FBN2: variants seen among roughly 807,000 people sequenced by gnomAD.
FBN2 encodes the protein fibrillin 2.
In FBN2, 105 loss-of-function variants were observed where a neutral mutation model predicts 355.6. That is an observed-to-expected ratio of 0.30 (90% confidence interval 0.25 to 0.35). The LOEUF is 0.35. Ranked by LOEUF, FBN2 falls within the 10% of genes least tolerant of loss-of-function variation. The pLI is 1.00. For synonymous variants in FBN2, 1,350 were observed against 1,301.2 expected (o/e 1.04, Z -0.81); for missense variants, 3,280 against 3,758.7 (o/e 0.87, Z 3.33).
chr5:128,359,282 T>C (rs575108744), intron 19 of FBN2, among the ~76,000 whole-genome samples: 2 of 152,034 alleles, frequency 1.3e-5, no homozygotes, highest in Admixed American at 6.6e-5. Context: ...AAAGCTAAGA[T>C]TTGCAATGAA....
At chr5:128,321,069 T>C (rs1359344975) in intron 34 of FBN2, among the ~76,000 whole-genome samples, 2 of 152,210 alleles carry the variant, frequency 1.3e-5, no homozygotes, top group Admixed American at 1.3e-4. Context: ...ACTTCTCCAT[T>C]TGTTTCTTGA....
intron 39 of FBN2, 85 bp from the exon 40 acceptor site, chr5:128,310,193 G>A: frequency 8.4e-7 from 1 of 1,193,198 alleles, no homozygotes; most frequent in Non-Finnish European, 1.2e-6. Flanking sequence ...CAAAGCATAG[G>A]TGATTCTCTA....
chr5:128,392,984 CTCTG>C (rs905252137), intron 10 of FBN2, 147 bp downstream of exon 10: 63 of 696,924 alleles, frequency 9.0e-5, no homozygotes, highest in African/African-American at 8.4e-4. Context: ...ACACTTTTCC[CTCTG>C]TCTCTCTCTC....
chr5:128,442,762 C>G (rs1030175837), intron 7 of FBN2, among the ~76,000 whole-genome samples: 1 of 151,830 alleles, frequency 6.6e-6, no homozygotes, highest in Non-Finnish European at 1.5e-5. Context: ...ACAAACACAC[C>G]ACATACATAC....
intron 7 of FBN2, among the ~76,000 whole-genome samples, chr5:128,433,950 ATAAC>A (rs1753698997): frequency 6.6e-6 from 1 of 152,174 alleles, no homozygotes; most frequent in Non-Finnish European, 1.5e-5. Context: ...TTCTCATACT[ATAAC>A]TAAATTTGTT....
chr5:128,280,389 G>T lies in FBN2; in HGVS notation c.7013-72C>A. On this transcript the variant is annotated intron_variant, in intron 55 of 64. Transcript: ENST00000262464. ...TAGTTTACAAGCTATCTTCTAATGG[G>T]TTATATCTTATTTAACACTTCTTTG... 4 of 1,200,616 alleles carry T rather than the reference G, an allele frequency of 3.3e-6. No homozygotes were observed. In the Admixed American group the frequency reaches 5.2e-5, roughly 16 times the overall value. The allele number at this position is 1,200,616 out of a possible 1,614,324, so 74.4% of individuals were successfully genotyped here.
intron 7 of FBN2, among the ~76,000 whole-genome samples, chr5:128,426,615 T>C (rs769041227): frequency 2.0e-5 from 3 of 152,170 alleles, no homozygotes; most frequent in Non-Finnish European, 4.4e-5. Context: ...AAATAAAATG[T>C]AACAAATCTA....
chr5:128,290,545 T>C (rs1749292085), intron 50 of FBN2, among the ~76,000 whole-genome samples, 187 bp downstream of exon 50: 1 of 152,222 alleles, frequency 6.6e-6, no homozygotes, highest in Admixed American at 6.5e-5. Flanking sequence ...CACCTGTGCT[T>C]AGACATGTCT....
At chr5:128,496,979 A>T (rs1222769861) in intron 5 of FBN2, among the ~76,000 whole-genome samples, 1 of 152,150 alleles carries the variant, frequency 6.6e-6, no homozygotes, top group African/African-American at 2.4e-5. Flanking sequence ...ATAGAAATAA[A>T]TTTGACAAAA....
At chr5:128,358,577 A>AT (rs1161183925) in intron 19 of FBN2, among the ~76,000 whole-genome samples, 1 of 152,130 alleles carries the variant, frequency 6.6e-6, no homozygotes, top group Admixed American at 6.5e-5. Flanking sequence ...TTGAAGAAAT[A>AT]TGAATGTATT....
rs775987665 is a variant in FBN2, at chr5:128,335,259, T to C, written c.3884A>G (p.Asp1295Gly). The change falls in exon 30 of 65, where the codon GAT becomes GGT. Residue 1295 changes from aspartate to glycine, a missense_variant. This residue lies in a region of FBN2 where 2,284 missense variants were observed against 2,749.5 expected (regional missense o/e 0.83). Coordinates refer to ENST00000262464, the MANE Select transcript of FBN2 (RefSeq NM_001999.4). ...AGGAATGTTGGTACACTGGCCGCCATCACAGATATCAGGATTGTTTTCACA... is the reference window on the plus strand; with the variant it reads ...AGGAATGTTGGTACACTGGCCGCCACCACAGATATCAGGATTGTTTTCACA... ...DECENNPDIC[D>G]GGQCTNIPGE... is the part of the protein sequence containing the mutation. 9 of 1,614,026 alleles carry C rather than the reference T, an allele frequency of 5.6e-6. No individual in the cohort carries two copies. Among genetic ancestry groups the C allele is most frequent in the Non-Finnish European group, 7.6e-6 (9 of 1,180,004 alleles).
chr5:128,318,834 C>A, intron 35 of FBN2, 45 bp downstream of exon 35: 1 of 1,596,656 alleles, frequency 6.3e-7, no homozygotes, highest in Non-Finnish European at 8.6e-7. Context: ...ACAGAATACT[C>A]ATTTCAATGA....
intron 11 of FBN2, among the ~76,000 whole-genome samples, chr5:128,385,878 A>G (rs1347076013): frequency 6.6e-6 from 1 of 151,792 alleles, no homozygotes; most frequent in African/African-American, 2.4e-5. Context: ...CCCATTATTT[A>G]ATGAGATTTT....
At chr5:128,359,346 T>C (rs1043268611) in intron 19 of FBN2, among the ~76,000 whole-genome samples, 2 of 152,014 alleles carry the variant, frequency 1.3e-5, no homozygotes, top group Non-Finnish European at 2.9e-5. Context: ...AAGAAGAGAA[T>C]GAAGAGAACT....
At chr5:128,311,631 G>A (rs1039453784) in intron 38 of FBN2, among the ~76,000 whole-genome samples, 2 of 152,192 alleles carry the variant, frequency 1.3e-5, no homozygotes, top group Non-Finnish European at 2.9e-5. Context: ...AATGAATAAA[G>A]TTAAGTTGGA....
intron 23 of FBN2, among the ~76,000 whole-genome samples, chr5:128,348,125 A>C (rs1751236885): frequency 6.6e-6 from 1 of 152,242 alleles, no homozygotes; most frequent in African/African-American, 2.4e-5. Context: ...TATTTTGCTG[A>C]GTAATAATTT....
At chr5:128,435,152 G>A (rs1753741796) in intron 7 of FBN2, among the ~76,000 whole-genome samples, 1 of 152,038 alleles carries the variant, frequency 6.6e-6, no homozygotes, top group Non-Finnish European at 1.5e-5. Flanking sequence ...AATAAATCAA[G>A]CCCTCTGGGT....
intron 6 of FBN2, among the ~76,000 whole-genome samples, chr5:128,450,917 C>G (rs972979815): frequency 7.9e-5 from 12 of 152,014 alleles, no homozygotes; most frequent in African/African-American, 2.9e-4. Context: ...GTTAAAGATA[C>G]AGAAAATAGA....
chr5:128,484,167 A>C (rs1342131072), intron 5 of FBN2, among the ~76,000 whole-genome samples: 1 of 152,174 alleles, frequency 6.6e-6, no homozygotes, highest in Non-Finnish European at 1.5e-5. Context: ...TCTCATTCAT[A>C]TCTCTCTCAG....
Sources: gnomAD v4.1 joint callset for allele counts (sites outside exome capture counted in the v4.1 genomes callset) on GRCh38, gnomAD v4.1.1 for gene constraint, gnomAD v4.1.1 regional missense constraint, MANE v1.5 for transcripts, NCBI Gene and HGNC (gene_info 2026-07-23, HGNC 2026-07-21) for gene names.